The following KLF15 variants were observed in gnomAD, a reference collection of about 807,000 sequenced individuals.
The protein encoded by KLF15 is KLF transcription factor 15, also known as Krueppel-like factor 15.
A neutral mutation model predicts 24.6 loss-of-function variants in KLF15; 4 were observed. The ratio of observed to expected loss-of-function variants is 0.16; its 90% CI spans 0.08 to 0.37. The LOEUF (loss-of-function observed/expected upper bound fraction) is 0.37. Among genes scored for constraint, KLF15 ranks in the 10% least tolerant of loss-of-function variants. The pLI, the probability that KLF15 is intolerant of heterozygous loss-of-function variation, is 1.00. For missense variants in KLF15, 496 were observed against 560.6 expected, an observed-to-expected ratio of 0.88 and a Z score of 1.16; for synonymous variants, 246 against 236.3, an observed-to-expected ratio of 1.04 and a Z score of -0.37.
chr3:126,318,487 ACTACT>A, the KLF15 span, among the ~76,000 whole-genome samples: 1 of 152,152 alleles, frequency 6.6e-6, no homozygotes, highest in Non-Finnish European at 1.5e-5. Flanking sequence ...ATGCAAGCCA[ACTACT>A]CATCTGACCT....
At chr3:126,320,536 A>G in the KLF15 span, among the ~76,000 whole-genome samples, 1 of 152,176 alleles carries the variant, frequency 6.6e-6, no homozygotes, top group Non-Finnish European at 1.5e-5. Context: ...TCCTGTGCAC[A>G]TGTGTTTGAG....
At chr3:126,330,654 C>T in the KLF15 span, among the ~76,000 whole-genome samples, 1 of 151,596 alleles carries the variant, frequency 6.6e-6, no homozygotes. Context: ...TCCTATTCAC[C>T]CTTTGCCTTG....
In KLF15 at chr3:126,343,689, G is replaced by A. The variant is rs1336824882; in HGVS notation, c.*38C>T. 1.4e-5 allele frequency: 22 copies of A among 1,586,716 alleles called. No individual in the cohort carries two copies. Among genetic ancestry groups the A allele is most frequent in the Non-Finnish European group, 1.8e-5 (21 of 1,168,118 alleles). On this transcript the variant is annotated 3_prime_UTR_variant, in exon 3 of 3. Transcript: ENST00000296233. Reference sequence around the variant, plus strand: ...CTTAAAAAAATGGGGATGGGGTGGGGATCCGGGGTGACGGACAGGCTGGGG... The same window carrying A: ...CTTAAAAAAATGGGGATGGGGTGGGAATCCGGGGTGACGGACAGGCTGGGG...
the KLF15 span, among the ~76,000 whole-genome samples, chr3:126,334,091 C>T: frequency 6.6e-6 from 1 of 151,948 alleles, no homozygotes; most frequent in African/African-American, 2.4e-5. Flanking sequence ...ATCTACAGAA[C>T]TCTCCACCCC....
At chr3:126,305,901 T>C in the KLF15 span, among the ~76,000 whole-genome samples, 1 of 152,222 alleles carries the variant, frequency 6.6e-6, no homozygotes, top group African/African-American at 2.4e-5. Flanking sequence ...AAGCTTTGAG[T>C]GTGCAGGAGA....
At chr3:126,317,288 G>A in the KLF15 span, among the ~76,000 whole-genome samples, 1 of 152,184 alleles carries the variant, frequency 6.6e-6, no homozygotes, top group African/African-American at 2.4e-5. Flanking sequence ...GCAGGAGAGG[G>A]CCTCACACCC....
At chr3:126,297,032 C>T in the KLF15 span, among the ~76,000 whole-genome samples, 1 of 152,166 alleles carries the variant, frequency 6.6e-6, no homozygotes. Flanking sequence ...CCTCAGCCTC[C>T]CAAGTAGCTA....
At chr3:126,313,062 T>C in the KLF15 span, among the ~76,000 whole-genome samples, 6 of 152,152 alleles carry the variant, frequency 3.9e-5, no homozygotes, top group Admixed American at 3.9e-4. Flanking sequence ...AAATTTGGAA[T>C]TAGGCCTTTA....
chr3:126,303,099 A>ATAT, the KLF15 span, among the ~76,000 whole-genome samples: 3 of 152,118 alleles, frequency 2.0e-5, no homozygotes, highest in African/African-American at 7.2e-5. Context: ...CCTTCAAGTG[A>ATAT]TATTATGCCC....
At chr3:126,300,453 G>A in the KLF15 span, among the ~76,000 whole-genome samples, 3 of 152,340 alleles carry the variant, frequency 2.0e-5, no homozygotes, top group South Asian at 2.1e-4. Flanking sequence ...GGCCCAGAGC[G>A]TCGGGGGTCT....
the KLF15 span, among the ~76,000 whole-genome samples, chr3:126,310,466 A>G: frequency 6.6e-6 from 1 of 152,132 alleles, no homozygotes; most frequent in Non-Finnish European, 1.5e-5. Flanking sequence ...AAGAGCCCCT[A>G]CTAAGTTCAC....
At chr3:126,292,755 A>C in the KLF15 span, among the ~76,000 whole-genome samples, 1 of 152,068 alleles carries the variant, frequency 6.6e-6, no homozygotes, top group East Asian at 1.9e-4. Flanking sequence ...AAGACAGGGC[A>C]GGGGTGCAGC....
At chr3:126,304,135 G>C in the KLF15 span, among the ~76,000 whole-genome samples, 1 of 152,160 alleles carries the variant, frequency 6.6e-6, no homozygotes, top group South Asian at 2.1e-4. Context: ...CTGGGTACCA[G>C]ACATTGTGAA....
chr3:126,295,876 T>A, the KLF15 span, among the ~76,000 whole-genome samples: 1 of 152,182 alleles, frequency 6.6e-6, no homozygotes, highest in Admixed American at 6.5e-5. Flanking sequence ...TTAGGTTGGA[T>A]TAGCCAGGGA....
the KLF15 span, among the ~76,000 whole-genome samples, chr3:126,320,622 G>A: frequency 2.6e-3 from 400 of 152,314 alleles, 4 homozygotes; most frequent in African/African-American, 5.7e-3. Context: ...GCATACATGC[G>A]TGCAGCATTG....
chr3:126,308,588 G>C, the KLF15 span, among the ~76,000 whole-genome samples: 1 of 147,056 alleles, frequency 6.8e-6, no homozygotes, highest in Admixed American at 6.7e-5. Flanking sequence ...TCTGTCTGTG[G>C]AAGTCATGGC....
chr3:126,312,247 C>T, the KLF15 span, among the ~76,000 whole-genome samples: 3 of 152,204 alleles, frequency 2.0e-5, no homozygotes, highest in Non-Finnish European at 1.5e-5. Flanking sequence ...ATGCAAGGCT[C>T]ACTGCAGCCT....
At chr3:126,302,282 T>G in the KLF15 span, among the ~76,000 whole-genome samples, 4 of 152,212 alleles carry the variant, frequency 2.6e-5, no homozygotes. Context: ...TTATTGGGAC[T>G]GTTTTATGGC....
chr3:126,300,838 T>C, the KLF15 span, among the ~76,000 whole-genome samples: 2 of 152,062 alleles, frequency 1.3e-5, no homozygotes, highest in African/African-American at 4.8e-5. Flanking sequence ...GTGCACCTGG[T>C]AGAGGAAGCA....
Sources: gnomAD v4.1 joint callset for allele counts (sites outside exome capture counted in the v4.1 genomes callset) on GRCh38, gnomAD v4.1.1 for gene constraint, MANE v1.5 for transcripts, NCBI Gene and HGNC (gene_info 2026-07-23, HGNC 2026-07-21) for gene names.